The following FMO2 variants were observed in gnomAD, a reference collection of about 807,000 sequenced individuals.
The protein encoded by FMO2 is flavin containing dimethylaniline monoxygenase 2, also known as flavin-containing monooxygenase 2.
A neutral mutation model predicts 41.6 loss-of-function variants in FMO2; 33 were observed. The ratio of observed to expected loss-of-function variants is 0.79; its 90% CI spans 0.60 to 1.06. The LOEUF (loss-of-function observed/expected upper bound fraction) is 1.06. Among genes scored for constraint, FMO2 ranks in the 50% least tolerant of loss-of-function variants. FMO2 has a pLI of 0.00. For missense variants in FMO2, 619 were observed against 632.9 expected, an observed-to-expected ratio of 0.98 and a Z score of 0.23; for synonymous variants, 214 against 219.6, an observed-to-expected ratio of 0.97 and a Z score of 0.23.
At chr1:171,197,277 C>T (rs1658344209) in intron 4 of FMO2, among the ~76,000 whole-genome samples, 1 of 152,144 alleles carries the variant, frequency 6.6e-6, no homozygotes, top group Non-Finnish European at 1.5e-5. Flanking sequence ...CCAAGTCTTT[C>T]CTCAGAGAAC....
rs2101972941 is a variant in FMO2 at position 171,185,824 on chromosome 1, T to C, written c.111T>C (p.Ile37=). The C allele has an allele frequency of 6.2e-7, 1 of 1,613,802 alleles. No individual in the cohort carries two copies. Among genetic ancestry groups the C allele is most frequent in the Non-Finnish European group, 8.5e-7 (1 of 1,179,790 alleles). Residue 37 remains isoleucine (I), a synonymous_variant, in exon 2 of 9, where the codon ATT becomes ATC. Coordinates refer to ENST00000209929, the MANE Select transcript of FMO2 (RefSeq NM_001460.5). The part of the protein sequence containing the change: ...EPTCFERTED[I]GGVWRFKENV... ...CTTGCTTTGAGAGAACTGAAGATAT[T>C]GGAGGAGTGTGGAGGTTCAAAGTAA...
chr1:171,187,897 CATTT>C (rs1269414047), intron 2 of FMO2, among the ~76,000 whole-genome samples: 4 of 152,068 alleles, frequency 2.6e-5, no homozygotes, highest in Non-Finnish European at 5.9e-5. Flanking sequence ...AAATCACATT[CATTT>C]CTTATTAAAA....
At chr1:171,196,566 A>C in intron 3 of FMO2, 83 bp from the exon 4 acceptor site, 1 of 1,287,588 alleles carries the variant, frequency 7.8e-7, no homozygotes, top group Non-Finnish European at 1.1e-6. Flanking sequence ...GGCCTCTTGC[A>C]TGAAGCAGCA....
At chr1:171,207,445 A>G in intron 7 of FMO2, 1 of 333,034 alleles carries the variant, frequency 3.0e-6, no homozygotes, top group South Asian at 9.1e-5. Flanking sequence ...AGCCCAAACC[A>G]CTAGTCATGG....
At chr1:171,187,154 C>T (rs1190383209) in intron 2 of FMO2, among the ~76,000 whole-genome samples, 1 of 152,242 alleles carries the variant, frequency 6.6e-6, no homozygotes, top group East Asian at 1.9e-4. Flanking sequence ...CCCTGACTTA[C>T]AACCATGCCC....
At chr1:171,192,683 G>A (rs1173441463) in intron 2 of FMO2, among the ~76,000 whole-genome samples, 3 of 151,036 alleles carry the variant, frequency 2.0e-5, no homozygotes, top group Admixed American at 1.3e-4. Context: ...GGAGAATGCC[G>A]TGGACCTGGG....
At chr1:171,192,414 T>C (rs895954247) in intron 2 of FMO2, among the ~76,000 whole-genome samples, 5 of 152,172 alleles carry the variant, frequency 3.3e-5, no homozygotes, top group Non-Finnish European at 5.9e-5. Context: ...CTGATTAACT[T>C]TTACCAAGTT....
intron 4 of FMO2, among the ~76,000 whole-genome samples, chr1:171,197,997 A>G (rs1658370337): frequency 6.6e-6 from 1 of 152,222 alleles, no homozygotes; most frequent in Admixed American, 6.5e-5. Flanking sequence ...GTTAAAAACA[A>G]TAGAAGACAA....
At chr1:171,198,155 TAA>T (rs1018014837) in intron 4 of FMO2, among the ~76,000 whole-genome samples, 7 of 152,114 alleles carry the variant, frequency 4.6e-5, no homozygotes, top group Non-Finnish European at 1.5e-5. Flanking sequence ...AAATACTTTA[TAA>T]AGTCATGTGT....
intron 4 of FMO2, among the ~76,000 whole-genome samples, chr1:171,197,113 C>A (rs747961659): frequency 2.0e-5 from 3 of 152,102 alleles, no homozygotes; most frequent in Non-Finnish European, 4.4e-5. Flanking sequence ...CATGTGCCTG[C>A]GTTGGCCTTT....
intron 2 of FMO2, among the ~76,000 whole-genome samples, chr1:171,187,253 C>T (rs1327057840): frequency 6.6e-6 from 1 of 152,066 alleles, no homozygotes; most frequent in Non-Finnish European, 1.5e-5. Context: ...ATCAGGTATC[C>T]CTGAGATATT....
At chr1:171,191,516 TCTG>T (rs1658081114) in intron 2 of FMO2, among the ~76,000 whole-genome samples, 1 of 152,212 alleles carries the variant, frequency 6.6e-6, no homozygotes, top group African/African-American at 2.4e-5. Context: ...AGCCAGGGAT[TCTG>T]CTAAGTACTT....
chr1:171,193,668 CAAA>C (rs1658180570), intron 3 of FMO2, 145 bp downstream of exon 3: 15 of 600,774 alleles, frequency 2.5e-5, no homozygotes, highest in South Asian at 1.8e-4. Context: ...ATATAAAACC[CAAA>C]AAGTAGTGTC....
chr1:171,196,514 A>G (rs963438838), intron 3 of FMO2, 135 bp from the exon 4 acceptor site: 39 of 636,838 alleles, frequency 6.1e-5, no homozygotes, highest in Middle Eastern at 4.4e-4. Flanking sequence ...GTCCTTATTC[A>G]GTATTCAACA....
intron 2 of FMO2, among the ~76,000 whole-genome samples, chr1:171,191,378 A>G (rs1016288277): frequency 3.3e-5 from 5 of 152,168 alleles, no homozygotes; most frequent in African/African-American, 1.2e-4. Flanking sequence ...TCTTTTAAAA[A>G]CTAGCATTTT....
chr1:171,195,004 T>A (rs1358573202), intron 3 of FMO2, among the ~76,000 whole-genome samples: 2 of 152,222 alleles, frequency 1.3e-5, no homozygotes, highest in Non-Finnish European at 2.9e-5. Flanking sequence ...GTTTTGTAAC[T>A]TTGTGCACTT....
chr1:171,205,317 C>A lies in FMO2; in HGVS notation c.866C>A (p.Pro289Gln). The A allele has an allele frequency of 1.2e-6, 2 of 1,613,156 alleles. No homozygotes were observed. Among genetic ancestry groups the A allele is most frequent in the African/African-American group, 1.3e-5 (1 of 74,968 alleles). The change falls in exon 7 of 9, where the codon CCA becomes CAA. Residue 289 changes from proline to glutamine, a missense_variant. Physicochemically the swap from Pro to Gln is moderately conservative, Grantham distance 76 (BLOSUM62 -1). Transcript: ENST00000209929. ...MKEPVLNDDV[P>Q]SRLLCGAIKV... The stretch of plus-strand genomic sequence containing the variant: ...GAACCTGTACTAAATGATGATGTCC[C>A]AAGTCGTCTACTCTGTGGAGCCATC...
chr1:171,190,991 C>CA (rs1200128260), intron 2 of FMO2, among the ~76,000 whole-genome samples: 2 of 151,888 alleles, frequency 1.3e-5, no homozygotes, highest in Non-Finnish European at 2.9e-5. Flanking sequence ...ACTAAAAATA[C>CA]AAAATTAGCT....
rs763946864 is a variant in FMO2, at chr1:171,209,438, G to A, written c.*293G>A. 220 of 255,602 alleles carry A rather than the reference G, an allele frequency of 8.6e-4. No homozygotes were observed. The highest frequency in any genetic ancestry group is 1.4e-3 in the Non-Finnish European group (196 of 137,324). The allele number at this position is 255,602 out of a possible 1,614,324, so 15.8% of individuals were successfully genotyped here. The stretch of plus-strand genomic sequence containing the variant: ...TAGTGCTGCCAACCCTGATATAGGG[G>A]AGTTGTATGGAAAAATAGTAGAATT... On this transcript the variant is annotated 3_prime_UTR_variant, in exon 9 of 9. Transcript: ENST00000209929.
Sources: gnomAD v4.1 joint callset for allele counts (sites outside exome capture counted in the v4.1 genomes callset) on GRCh38, gnomAD v4.1.1 for gene constraint, MANE v1.5 for transcripts, NCBI Gene and HGNC (gene_info 2026-07-23, HGNC 2026-07-21) for gene names.